The following DNAJC15 variants were observed in gnomAD, a reference collection of about 807,000 sequenced individuals.
DNAJC15 encodes DnaJ heat shock protein family (Hsp40) member C15, also known as dnaJ homolog subfamily C member 15.
Under a neutral mutation model 22.4 loss-of-function variants are expected in DNAJC15, and 27 were observed. The observed-to-expected ratio is 1.20, with a 90% CI of 0.89 to 1.66. The LOEUF (loss-of-function observed/expected upper bound fraction) is 1.66, where lower values mean the gene tolerates loss of function less well. DNAJC15 is among the 40% of genes most tolerant of loss of function. DNAJC15 has a pLI of 0.00. For synonymous variants in DNAJC15, 79 were observed against 63.2 expected (o/e 1.25, Z -1.19); for missense variants, 208 against 187.1 (o/e 1.11, Z -0.65).
chr13:43,105,230 G>C (rs1307389821), intron 5 of DNAJC15, among the ~76,000 whole-genome samples: 1 of 152,058 alleles, frequency 6.6e-6, no homozygotes, highest in Non-Finnish European at 1.5e-5. Context: ...TGTGGGAGAA[G>C]CACAGTTGCT....
intron 1 of DNAJC15, among the ~76,000 whole-genome samples, chr13:43,062,439 A>C (rs1291161063): frequency 1.3e-5 from 2 of 152,268 alleles, no homozygotes; most frequent in African/African-American, 4.8e-5. Context: ...GCAGAGATGC[A>C]GAGCAAGGCA....
intron 1 of DNAJC15, among the ~76,000 whole-genome samples, chr13:43,055,533 C>T (rs913840694): frequency 6.6e-6 from 1 of 152,150 alleles, no homozygotes; most frequent in African/African-American, 2.4e-5. Context: ...ACTGTTCGAC[C>T]AAGAGCCTTG....
At chr13:43,032,802 G>A (rs2040409869) in intron 1 of DNAJC15, among the ~76,000 whole-genome samples, 1 of 152,134 alleles carries the variant, frequency 6.6e-6, no homozygotes, top group Admixed American at 6.5e-5. Context: ...TGTAGCCTGG[G>A]TGACAGAGCA....
intron 5 of DNAJC15, among the ~76,000 whole-genome samples, chr13:43,097,555 A>T (rs1225652310): frequency 6.6e-6 from 1 of 152,206 alleles, no homozygotes; most frequent in African/African-American, 2.4e-5. Context: ...GAGTGGAAGC[A>T]AGGCAGTCAC....
chr13:43,079,193 T>C (rs1224857224), intron 4 of DNAJC15, among the ~76,000 whole-genome samples: 2 of 152,138 alleles, frequency 1.3e-5, no homozygotes, highest in Non-Finnish European at 2.9e-5. Context: ...TCATTTAACA[T>C]TTAATGTTAA....
At chr13:43,069,339 G>C (rs1043459247) in intron 3 of DNAJC15, among the ~76,000 whole-genome samples, 3 of 152,084 alleles carry the variant, frequency 2.0e-5, no homozygotes, top group African/African-American at 7.2e-5. Flanking sequence ...CCTGTGCCAG[G>C]AGCTTGGAAT....
chr13:43,050,109 G>A (rs1051497676), intron 1 of DNAJC15, among the ~76,000 whole-genome samples: 3 of 151,942 alleles, frequency 2.0e-5, no homozygotes, highest in South Asian at 2.1e-4. Flanking sequence ...TAGTAGAGAC[G>A]GGGTTTTGTC....
At chr13:43,106,261 A>C (rs1197260096) in intron 5 of DNAJC15, among the ~76,000 whole-genome samples, 1 of 152,170 alleles carries the variant, frequency 6.6e-6, no homozygotes, top group Non-Finnish European at 1.5e-5. Context: ...AAAAAACACA[A>C]AGAGACTGGT....
chr13:43,035,934 C>T (rs1043073178), intron 1 of DNAJC15, among the ~76,000 whole-genome samples: 2 of 151,778 alleles, frequency 1.3e-5, no homozygotes, highest in Non-Finnish European at 2.9e-5. Context: ...GCTATGTTGC[C>T]GAGGCTGGTC....
At chr13:43,051,962 G>GATT (rs974385663) in intron 1 of DNAJC15, among the ~76,000 whole-genome samples, 5 of 151,842 alleles carry the variant, frequency 3.3e-5, no homozygotes, top group African/African-American at 1.2e-4. Context: ...ATTATTTTTT[G>GATT]ATTATTATTA....
chr13:43,031,981 T>C lies in DNAJC15; in HGVS notation c.108+8247T>C, dbSNP rs187632134. ...CTAGGATGGTGAAGCAATCCAGAGA[T>C]TGGGAACAGCAAGGAACCACTAGCA... On this transcript the variant is annotated intron_variant, in intron 1 of 5. Transcript: ENST00000379221. Among the ~76,000 whole-genome samples the C allele has an allele frequency of 4.6e-5, 7 of 152,218 alleles. No individual in the cohort carries two copies. In the East Asian group the frequency reaches 1.2e-3, roughly 25 times the overall value.
At chr13:43,081,629 G>A (rs1367814182) in intron 4 of DNAJC15, among the ~76,000 whole-genome samples, 3 of 151,698 alleles carry the variant, frequency 2.0e-5, no homozygotes, top group East Asian at 1.9e-4. Flanking sequence ...TAGTAGAGAC[G>A]GGGTTTCACC....
intron 3 of DNAJC15, among the ~76,000 whole-genome samples, chr13:43,075,900 A>G (rs1043253290): frequency 3.3e-5 from 5 of 152,120 alleles, no homozygotes; most frequent in Non-Finnish European, 7.4e-5. Context: ...ACCTGAGGTG[A>G]TCCGCCCGCC....
chr13:43,033,725 C>G (rs2040414236), intron 1 of DNAJC15, among the ~76,000 whole-genome samples: 1 of 151,958 alleles, frequency 6.6e-6, no homozygotes, highest in African/African-American at 2.4e-5. Flanking sequence ...GAAGGAAGAT[C>G]AATCAGAAAG....
intron 3 of DNAJC15, among the ~76,000 whole-genome samples, chr13:43,072,350 C>G (rs1238057647): frequency 6.6e-6 from 1 of 152,066 alleles, no homozygotes; most frequent in Non-Finnish European, 1.5e-5. Flanking sequence ...TTCATTGTCT[C>G]TCTTTTCTGC....
chr13:43,092,614 A>G (rs1010872250), intron 5 of DNAJC15, among the ~76,000 whole-genome samples: 3 of 151,890 alleles, frequency 2.0e-5, no homozygotes, highest in Non-Finnish European at 2.9e-5. Context: ...TAAAAATTTT[A>G]TACTTTTTTC....
intron 1 of DNAJC15, among the ~76,000 whole-genome samples, chr13:43,063,074 A>G (rs2040566457): frequency 6.6e-6 from 1 of 151,048 alleles, no homozygotes; most frequent in African/African-American, 2.4e-5. Context: ...CAGTGGCACA[A>G]TCTCAGCTCA....
At chr13:43,040,710 A>G (rs924799720) in intron 1 of DNAJC15, among the ~76,000 whole-genome samples, 1 of 152,072 alleles carries the variant, frequency 6.6e-6, no homozygotes, top group African/African-American at 2.4e-5. Context: ...GAGTTCCCTT[A>G]GTATTTATTG....
intron 5 of DNAJC15, among the ~76,000 whole-genome samples, chr13:43,098,651 C>A (rs1296998531): frequency 6.6e-6 from 1 of 152,178 alleles, no homozygotes; most frequent in Non-Finnish European, 1.5e-5. Context: ...GTGCAAACAT[C>A]GCACTCAATT....
Sources: allele counts gnomAD v4.1 joint callset (sites outside exome capture counted in the v4.1 genomes callset), GRCh38; gene constraint gnomAD v4.1.1; transcripts MANE v1.5; gene names NCBI Gene and HGNC (gene_info 2026-07-23, HGNC 2026-07-21).